EFHB: variants seen among roughly 807,000 people sequenced by gnomAD.
EFHB encodes EF-hand domain-containing family member B.
EFHB carries 91 observed loss-of-function variants against 87.2 expected under a neutral mutation model. That is an observed-to-expected ratio of 1.04 (90% confidence interval 0.88 to 1.24). EFHB has a LOEUF of 1.24. EFHB is among the 50% of genes most tolerant of loss of function. The pLI is 0.00. For missense variants in EFHB, 1,084 were observed against 998.8 expected, an observed-to-expected ratio of 1.09 and a Z score of -1.15; for synonymous variants, 325 against 333.6, an observed-to-expected ratio of 0.97 and a Z score of 0.28.
At chr3:19,894,737 C>T (rs1694416300) in intron 9 of EFHB, 1 of 151,924 alleles carries the variant, frequency 6.6e-6, no homozygotes, top group South Asian at 2.1e-4. Flanking sequence ...ACCTGTAATC[C>T]CAACACTGGG....
chr3:19,935,205 G>A (rs193001111), upstream of EFHB, among the ~76,000 whole-genome samples: 123 of 152,110 alleles, frequency 8.1e-4, 1 homozygote, highest in African/African-American at 2.8e-3. Flanking sequence ...CACTGCTCCT[G>A]GCCTAAACTA....
At chr3:19,945,627 A>T (rs1369301656) in intron 1 of EFHB, among the ~76,000 whole-genome samples, 4 of 152,106 alleles carry the variant, frequency 2.6e-5, no homozygotes. Context: ...GACATGACAA[A>T]ACTGATGTCA....
upstream of EFHB, chr3:19,936,228 T>A (rs1251515448): frequency 3.7e-6 from 3 of 814,968 alleles, no homozygotes; most frequent in Non-Finnish European, 6.1e-6. Context: ...CTCACATCTG[T>A]AGTCTCAGCT....
chr3:19,926,082 C>A (rs1366053307), intron 1 of EFHB, among the ~76,000 whole-genome samples: 1 of 152,138 alleles, frequency 6.6e-6, no homozygotes, highest in Non-Finnish European at 1.5e-5. Flanking sequence ...CCAGGGCCTG[C>A]ATAACTAGGA....
chr3:19,930,535 T>C (rs1055883464), intron 1 of EFHB, among the ~76,000 whole-genome samples: 5 of 152,240 alleles, frequency 3.3e-5, no homozygotes, highest in African/African-American at 9.6e-5. Context: ...TATATTATAA[T>C]CTGAATTCTT....
intron 5 of EFHB, among the ~76,000 whole-genome samples, chr3:19,909,085 G>A (rs1200403042): frequency 2.2e-5 from 3 of 139,156 alleles, no homozygotes; most frequent in Non-Finnish European, 4.5e-5. Context: ...ACAGATATGA[G>A]TGCCCATCTC....
At chr3:19,944,926 T>C (rs1696236099) in intron 1 of EFHB, among the ~76,000 whole-genome samples, 3 of 152,128 alleles carry the variant, frequency 2.0e-5, no homozygotes, top group Admixed American at 6.5e-5. Flanking sequence ...TATAATTCAA[T>C]GAAAGGCTAA....
At chr3:19,905,532 C>T in intron 6 of EFHB, 88 bp downstream of exon 6, 26 of 1,382,354 alleles carry the variant, frequency 1.9e-5, no homozygotes, top group South Asian at 7.2e-5. Flanking sequence ...ATTTTATTAC[C>T]TCTTCAAAAA....
At chr3:19,924,733 C>T (rs568136956) in intron 1 of EFHB, among the ~76,000 whole-genome samples, 1 of 152,132 alleles carries the variant, frequency 6.6e-6, no homozygotes, top group African/African-American at 2.4e-5. Context: ...TCATATTGTA[C>T]TTGCCTGTGC....
chr3:19,899,576 AT>A, intron 6 of EFHB, 61 bp from the exon 7 acceptor site: 2 of 1,295,420 alleles, frequency 1.5e-6, no homozygotes, highest in Non-Finnish European at 2.1e-6. Flanking sequence ...GCTGCCAAAT[AT>A]ACATAAGGCG....
chr3:19,936,235 A>C, upstream of EFHB: 1 of 795,442 alleles, frequency 1.3e-6, no homozygotes, highest in Non-Finnish European at 2.1e-6. Flanking sequence ...CTGTAGTCTC[A>C]GCTATCTGAG....
chr3:19,882,484 A>G, intron 12 of EFHB, 66 bp downstream of exon 12: 1 of 1,335,620 alleles, frequency 7.5e-7, no homozygotes, highest in Non-Finnish European at 9.7e-7. Flanking sequence ...TCAAGTTTTT[A>G]AAATTCTAAA....
At chr3:19,900,862 G>A (rs1694646241) in intron 6 of EFHB, among the ~76,000 whole-genome samples, 1 of 151,414 alleles carries the variant, frequency 6.6e-6, no homozygotes, top group Non-Finnish European at 1.5e-5. Flanking sequence ...CTGGGAGTCA[G>A]AGGCTGCAGT....
At chr3:19,898,452 A>G (rs558505621) in intron 8 of EFHB, among the ~76,000 whole-genome samples, 5 of 152,212 alleles carry the variant, frequency 3.3e-5, no homozygotes, top group Non-Finnish European at 7.3e-5. Flanking sequence ...GACTAGGACA[A>G]TATCCAAATT....
chr3:19,920,124 T>C, intron 2 of EFHB, 148 bp from the exon 3 acceptor site: 1 of 818,622 alleles, frequency 1.2e-6, no homozygotes, highest in Non-Finnish European at 1.9e-6. Flanking sequence ...AACATCCCCC[T>C]AAAATGTATT....
chr3:19,933,666 G>A lies in EFHB; in HGVS notation c.353C>T (p.Ala118Val). ...TATTATCCGTTCATGGGTATATCCT[G>A]CAAGAAGACTCTCATTTTCTAACCC... ...RMGLENESLL[A>V]GYTHERIIQP... The change falls in exon 1 of 13, where the codon GCA becomes GTA. Residue 118 changes from alanine (A) to valine (V), a missense_variant. Ala to Val is a moderately conservative substitution (Grantham distance 64). Transcript: ENST00000295824. The A allele has an allele frequency of 6.2e-7, 1 of 1,613,978 alleles. No homozygotes were observed. The highest frequency in any genetic ancestry group is 8.5e-7 in the Non-Finnish European group (1 of 1,179,898).
chr3:19,910,334 G>A (rs1351071886), intron 5 of EFHB, among the ~76,000 whole-genome samples: 2 of 152,128 alleles, frequency 1.3e-5, no homozygotes, highest in Non-Finnish European at 2.9e-5. Context: ...ATGGCCTGGG[G>A]TGGCGGTGGC....
chr3:19,925,134 C>T (rs561350029), intron 1 of EFHB, among the ~76,000 whole-genome samples: 29 of 151,140 alleles, frequency 1.9e-4, no homozygotes, highest in African/African-American at 2.2e-4. Flanking sequence ...CCCAGCTACC[C>T]GGGAGGCTGA....
intron 4 of EFHB, among the ~76,000 whole-genome samples, chr3:19,917,412 C>T (rs907550645): frequency 6.6e-6 from 1 of 152,008 alleles, no homozygotes; most frequent in Non-Finnish European, 1.5e-5. Context: ...ATGTCACTAC[C>T]TTAAGGAAAA....
Sources: allele counts gnomAD v4.1 joint callset (sites outside exome capture counted in the v4.1 genomes callset), GRCh38; gene constraint gnomAD v4.1.1; transcripts MANE v1.5; gene names NCBI Gene and HGNC (gene_info 2026-07-23, HGNC 2026-07-21).